Variants in PPP3CA observed in about 807,000 individuals in gnomAD.
PPP3CA encodes the protein protein phosphatase 3 catalytic subunit alpha.
A neutral mutation model predicts 66.5 loss-of-function variants in PPP3CA; 14 were observed. The observed-to-expected ratio is 0.21, with a 90% CI of 0.14 to 0.33. PPP3CA has a LOEUF of 0.33. PPP3CA is among the 10% of genes least tolerant of loss of function. The probability of loss-of-function intolerance (pLI) is 1.00; values close to 1 mark genes in which losing one functional copy is unlikely to be tolerated. For missense variants in PPP3CA, 317 were observed against 639.5 expected (o/e 0.50, Z 5.44); for synonymous variants, 232 against 226.2 (o/e 1.03, Z -0.23).
rs2110198992 is a variant in PPP3CA at position 101,023,880 on chromosome 4, G to GATT, written c.*1982_*1984dup. ...GGTGTATCTTAAATCTTCGGGTGAT[G>GATT]ATTAGATAGTAGCTGAAGCGTGGGT... On this transcript the variant is annotated 3_prime_UTR_variant, in exon 14 of 14. Coordinates refer to ENST00000394854, the MANE Select transcript of PPP3CA (RefSeq NM_000944.5). The GATT allele has an allele frequency of 6.5e-6, 1 of 152,734 alleles. No individual in the cohort carries two copies. Among genetic ancestry groups the GATT allele is most frequent in the African/African-American group, 2.4e-5 (1 of 41,556 alleles). The allele number at this position is 152,734 out of a possible 1,614,324, so 9.5% of individuals were successfully genotyped here.
At chr4:101,254,302 A>G (rs985764276) in intron 1 of PPP3CA, among the ~76,000 whole-genome samples, 1 of 152,066 alleles carries the variant, frequency 6.6e-6, no homozygotes, top group East Asian at 1.9e-4. Flanking sequence ...TAATGAAAGA[A>G]TTATCAGATA....
intron 1 of PPP3CA, among the ~76,000 whole-genome samples, chr4:101,308,294 CA>C (rs1280649595): frequency 6.6e-6 from 1 of 152,080 alleles, no homozygotes; most frequent in East Asian, 1.9e-4. Flanking sequence ...AGACCTGACC[CA>C]AAGTAATCCT....
chr4:101,222,495 T>C (rs1248272734), intron 1 of PPP3CA, among the ~76,000 whole-genome samples: 1 of 151,696 alleles, frequency 6.6e-6, no homozygotes, highest in Non-Finnish European at 1.5e-5. Flanking sequence ...TTCATTTTTC[T>C]TTCAATTCTG....
chr4:101,223,035 T>C (rs1349012109), intron 1 of PPP3CA, among the ~76,000 whole-genome samples: 3 of 151,786 alleles, frequency 2.0e-5, no homozygotes, highest in African/African-American at 7.2e-5. Flanking sequence ...ACAGAAGTCA[T>C]TGTGAAAGGT....
intron 2 of PPP3CA, among the ~76,000 whole-genome samples, chr4:101,124,735 GAAAGAAAGAAAGAAAGAAAGAA>G (rs1722174183): frequency 1.5e-5 from 1 of 68,582 alleles, no homozygotes; most frequent in Non-Finnish European, 2.8e-5. Context: ...GAGAAAGAAA[GAAAGAAAGAAAGAAAGAAAGAA>G]AGAAAGAAAG....
At chr4:101,296,184 T>C (rs1728193679) in intron 1 of PPP3CA, among the ~76,000 whole-genome samples, 1 of 152,156 alleles carries the variant, frequency 6.6e-6, no homozygotes, top group Admixed American at 6.5e-5. Context: ...ACCAACCTTA[T>C]AAAAGGGGGT....
intron 1 of PPP3CA, among the ~76,000 whole-genome samples, chr4:101,255,031 G>A (rs564431546): frequency 4.9e-4 from 61 of 123,596 alleles, no homozygotes; most frequent in South Asian, 1.2e-3. Context: ...CATGAGTCCC[G>A]TCTCAAAAAA....
intron 2 of PPP3CA, among the ~76,000 whole-genome samples, chr4:101,187,110 A>T (rs1288409532): frequency 6.6e-6 from 1 of 152,166 alleles, no homozygotes; most frequent in South Asian, 2.1e-4. Context: ...TTAGAGATTC[A>T]CAATTTTAAT....
intron 1 of PPP3CA, among the ~76,000 whole-genome samples, chr4:101,309,723 T>C (rs932354566): frequency 6.6e-6 from 1 of 152,218 alleles, no homozygotes; most frequent in Non-Finnish European, 1.5e-5. Flanking sequence ...TGGTTGATTC[T>C]TGTTGCAGTC....
At chr4:101,127,507 A>G (rs1451801259) in intron 2 of PPP3CA, among the ~76,000 whole-genome samples, 7 of 152,052 alleles carry the variant, frequency 4.6e-5, no homozygotes, top group Non-Finnish European at 1.0e-4. Context: ...GTCACAAGCC[A>G]AAAAAAGGCC....
chr4:101,245,224 T>G (rs886707669), intron 1 of PPP3CA, among the ~76,000 whole-genome samples: 5 of 152,130 alleles, frequency 3.3e-5, no homozygotes, highest in Admixed American at 6.6e-5. Context: ...ACCATCCAAC[T>G]GCACTTGTTT....
chr4:101,327,679 T>C (rs1031033), intron 1 of PPP3CA, among the ~76,000 whole-genome samples: 1 of 149,056 alleles, frequency 6.7e-6, no homozygotes, highest in African/African-American at 2.6e-5. Context: ...ATATGTATTA[T>C]AAATGTTGGG....
intron 1 of PPP3CA, among the ~76,000 whole-genome samples, chr4:101,346,416 C>T (rs2110347651): frequency 6.6e-6 from 1 of 152,176 alleles, no homozygotes; most frequent in Non-Finnish European, 1.5e-5. Flanking sequence ...AGCAGCTACA[C>T]CCTACCAGCA....
At chr4:101,265,077 A>G (rs1227761358) in intron 1 of PPP3CA, among the ~76,000 whole-genome samples, 1 of 152,134 alleles carries the variant, frequency 6.6e-6, no homozygotes, top group Admixed American at 6.6e-5. Context: ...ATTTGGCTGA[A>G]TTTTGTTGTA....
chr4:101,075,553 C>T (rs1366461987), intron 8 of PPP3CA, among the ~76,000 whole-genome samples: 7 of 152,144 alleles, frequency 4.6e-5, no homozygotes, highest in Non-Finnish European at 1.0e-4. Context: ...AACCTACTGT[C>T]GTTTACTTTA....
At chr4:101,035,736 C>G (rs191070397) in intron 11 of PPP3CA, among the ~76,000 whole-genome samples, 1 of 152,300 alleles carries the variant, frequency 6.6e-6, no homozygotes, top group Non-Finnish European at 1.5e-5. Context: ...CTGCCTCACA[C>G]GGAAGCCATG....
At chr4:101,119,612 T>C (rs1304176150) in intron 2 of PPP3CA, among the ~76,000 whole-genome samples, 5 of 152,138 alleles carry the variant, frequency 3.3e-5, no homozygotes, top group African/African-American at 1.2e-4. Context: ...ATCACTCCTC[T>C]TCCTTGTCAT....
intron 2 of PPP3CA, among the ~76,000 whole-genome samples, chr4:101,181,975 G>A (rs1724250536): frequency 6.6e-6 from 1 of 151,996 alleles, no homozygotes; most frequent in Non-Finnish European, 1.5e-5. Context: ...TTTCATATGT[G>A]ATTATTTACT....
chr4:101,031,638 G>A (rs1264022662), intron 12 of PPP3CA, among the ~76,000 whole-genome samples: 8 of 152,096 alleles, frequency 5.3e-5, no homozygotes, highest in Admixed American at 5.2e-4. Context: ...ATCACAAAGA[G>A]CTCTGCTGGA....
Sources: allele counts gnomAD v4.1 joint callset (sites outside exome capture counted in the v4.1 genomes callset), GRCh38; gene constraint gnomAD v4.1.1; transcripts MANE v1.5; gene names NCBI Gene and HGNC (gene_info 2026-07-23, HGNC 2026-07-21).